APP: variants seen among roughly 807,000 people sequenced by gnomAD.
APP encodes the protein amyloid-beta precursor protein.
Under a neutral mutation model 101.4 loss-of-function variants are expected in APP, and 31 were observed. That is an observed-to-expected ratio of 0.31 (90% CI 0.23 to 0.41). APP has a LOEUF of 0.41. Ranked by LOEUF, APP falls within the 10% of genes least tolerant of loss-of-function variation. The pLI, the probability that APP is intolerant of heterozygous loss-of-function variation, is 1.00. For synonymous variants in APP, 366 were observed against 364.4 expected (o/e 1.00, Z -0.05); for missense variants, 839 against 1,003.7 (o/e 0.84, Z 2.22).
chr21:26,079,575 G>A (rs577069470), intron 3 of APP, among the ~76,000 whole-genome samples: 1 of 152,284 alleles, frequency 6.6e-6, no homozygotes, highest in South Asian at 2.1e-4. Flanking sequence ...CCAGTGTTCA[G>A]CTGATACGTT....
chr21:25,906,103 T>C (rs956812496), intron 14 of APP, among the ~76,000 whole-genome samples: 4 of 152,190 alleles, frequency 2.6e-5, no homozygotes, highest in African/African-American at 7.2e-5. Flanking sequence ...AGCTTACTGA[T>C]GCACACAGGC....
At chr21:26,146,988 T>C (rs1010104698) in intron 1 of APP, among the ~76,000 whole-genome samples, 3 of 152,210 alleles carry the variant, frequency 2.0e-5, no homozygotes, top group African/African-American at 7.2e-5. Flanking sequence ...AAGACACTTT[T>C]ATCTTGCACT....
At position 25,998,460 on chromosome 21, in the gene APP, C is replaced by T. The variant is rs114962955; in HGVS notation, c.1034-1044G>A. Among the ~76,000 whole-genome samples the T allele has an allele frequency of 2.6e-3, 394 of 151,478 alleles. 1 individual carries two copies. The highest frequency in any genetic ancestry group is 9.2e-3 in the African/African-American group (377 of 41,198). Reference sequence around the variant, plus strand: ...TGTTCACACATGGGACTGAAGCAGTCATCTCATTCACTGGCGATGGCAGGA... The same window carrying T: ...TGTTCACACATGGGACTGAAGCAGTTATCTCATTCACTGGCGATGGCAGGA... On this transcript the variant is annotated intron_variant, in intron 7 of 17. Transcript: ENST00000346798.
intron 1 of APP, among the ~76,000 whole-genome samples, chr21:26,133,705 G>C (rs2062840518): frequency 6.6e-6 from 1 of 152,130 alleles, no homozygotes; most frequent in African/African-American, 2.4e-5. Flanking sequence ...CTGAGGGGCA[G>C]AGGTTGCAGT....
chr21:25,912,777 A>T (rs1366132814), intron 13 of APP, among the ~76,000 whole-genome samples: 1 of 152,202 alleles, frequency 6.6e-6, no homozygotes, highest in African/African-American at 2.4e-5. Context: ...GCTTTATGGA[A>T]CATCATTGAC....
At chr21:26,128,753 T>C (rs1249969637) in intron 1 of APP, among the ~76,000 whole-genome samples, 1 of 152,220 alleles carries the variant, frequency 6.6e-6, no homozygotes, top group African/African-American at 2.4e-5. Context: ...GAAGTCAGTT[T>C]AACTTTTTTA....
At chr21:26,010,070 C>G (rs2043722535) in intron 6 of APP, among the ~76,000 whole-genome samples, 1 of 151,778 alleles carries the variant, frequency 6.6e-6, no homozygotes, top group African/African-American at 2.4e-5. Context: ...TCCATGTTAA[C>G]TGGCTTCTTG....
At chr21:26,162,122 T>C (rs547323857) in intron 1 of APP, among the ~76,000 whole-genome samples, 1 of 151,406 alleles carries the variant, frequency 6.6e-6, no homozygotes, top group African/African-American at 2.4e-5. Flanking sequence ...AGCCCAGGAG[T>C]TCAAGATCAG....
At chr21:26,043,936 G>A (rs1196579481) in intron 5 of APP, among the ~76,000 whole-genome samples, 2 of 152,044 alleles carry the variant, frequency 1.3e-5, no homozygotes, top group Non-Finnish European at 2.9e-5. Flanking sequence ...TATGAACCTC[G>A]ATCTTTTTCC....
chr21:26,098,715 C>G (rs924286653), intron 2 of APP, among the ~76,000 whole-genome samples: 1 of 152,168 alleles, frequency 6.6e-6, no homozygotes, highest in Admixed American at 6.5e-5. Flanking sequence ...AACAGTTTGC[C>G]TACTTTTCTA....
chr21:25,916,645 G>A (rs1006707426), intron 13 of APP, among the ~76,000 whole-genome samples: 3 of 152,110 alleles, frequency 2.0e-5, no homozygotes, highest in African/African-American at 2.4e-5. Context: ...ACAACACTCT[G>A]ATGGCCTGCA....
intron 17 of APP, among the ~76,000 whole-genome samples, chr21:25,891,435 A>AT (rs1449856899): frequency 6.6e-6 from 1 of 152,164 alleles, no homozygotes; most frequent in Non-Finnish European, 1.5e-5. Flanking sequence ...AAGAGTAATC[A>AT]TGCTTTTTTA....
chr21:25,904,294 T>TGCTATGAC (rs1277661899), intron 15 of APP, among the ~76,000 whole-genome samples: 1 of 152,204 alleles, frequency 6.6e-6, no homozygotes, highest in Admixed American at 6.5e-5. Context: ...GCTTCTGCTG[T>TGCTATGAC]GCTATGACAT....
At chr21:26,170,514 C>G (rs2063723684) in intron 1 of APP, 50 bp downstream of exon 1, 1 of 1,526,238 alleles carries the variant, frequency 6.6e-7, no homozygotes, top group Non-Finnish European at 8.8e-7. Context: ...TGGGGGGTAT[C>G]GCGTCCCCAC....
chr21:26,096,168 C>G (rs531150961), intron 2 of APP, among the ~76,000 whole-genome samples: 1 of 152,332 alleles, frequency 6.6e-6, no homozygotes, highest in African/African-American at 2.4e-5. Context: ...ATGGACAAAC[C>G]TCCTCTGCAC....
chr21:25,975,824 G>T, intron 10 of APP, 130 bp downstream of exon 10: 1 of 755,592 alleles, frequency 1.3e-6, no homozygotes, highest in African/African-American at 1.7e-5. Flanking sequence ...CAATGATTAA[G>T]AACAGCTGAA....
intron 13 of APP, chr21:25,943,167 T>C (rs549491134): frequency 6.5e-6 from 1 of 152,696 alleles, no homozygotes; most frequent in Non-Finnish European, 1.5e-5. Flanking sequence ...ATACTTCTTT[T>C]TTTTTGAGAT....
At chr21:26,165,330 ACT>A (rs1206668897) in intron 1 of APP, among the ~76,000 whole-genome samples, 1 of 152,204 alleles carries the variant, frequency 6.6e-6, no homozygotes, top group Non-Finnish European at 1.5e-5. Context: ...TAACTCACAC[ACT>A]GTTTCAAGCA....
intron 15 of APP, among the ~76,000 whole-genome samples, chr21:25,904,094 G>A (rs1488713943): frequency 6.6e-6 from 1 of 152,124 alleles, no homozygotes; most frequent in Non-Finnish European, 1.5e-5. Context: ...TTTGACTATC[G>A]CCTGGGGACA....
Sources: gnomAD v4.1 joint callset for allele counts (sites outside exome capture counted in the v4.1 genomes callset) on GRCh38, gnomAD v4.1.1 for gene constraint, MANE v1.5 for transcripts, NCBI Gene and HGNC (gene_info 2026-07-23, HGNC 2026-07-21) for gene names.